The following CYB5R2 variants were observed in gnomAD, a reference collection of about 807,000 sequenced individuals.
CYB5R2 encodes NADH-cytochrome b5 reductase 2.
In CYB5R2, 35 loss-of-function variants were observed where a neutral mutation model predicts 29.8. The ratio of observed to expected loss-of-function variants is 1.17; its 90% CI spans 0.90 to 1.56. CYB5R2 has a LOEUF of 1.56. Among genes scored for constraint, CYB5R2 ranks in the 40% most tolerant of loss-of-function variants. The probability of loss-of-function intolerance (pLI) is 0.00; values close to 1 mark genes in which losing one functional copy is unlikely to be tolerated. For synonymous variants in CYB5R2, 169 were observed against 130.6 expected, an observed-to-expected ratio of 1.29 and a Z score of -2.01; for missense variants, 419 against 346.7, an observed-to-expected ratio of 1.21 and a Z score of -1.66.
At chr11:7,667,643 G>T in intron 7 of CYB5R2, 85 bp downstream of exon 7, 2 of 1,256,114 alleles carry the variant, frequency 1.6e-6, no homozygotes, top group Non-Finnish European at 2.3e-6. Flanking sequence ...AGCAGCATGA[G>T]CTCAGTCAAT....
chr11:7,672,945 G>A (rs1855851525), intron 1 of CYB5R2, 54 bp from the exon 2 acceptor site: 3 of 1,547,076 alleles, frequency 1.9e-6, no homozygotes, highest in African/African-American at 1.4e-5. Context: ...CCTGGACAGG[G>A]CAGCTCTCAG....
chr11:7,666,367 C>T (rs1203683852), intron 8 of CYB5R2, 84 bp downstream of exon 8: 9 of 900,350 alleles, frequency 1.0e-5, no homozygotes, highest in Non-Finnish European at 1.6e-5. Context: ...AAAACTAAAA[C>T]AAAACAAAGA....
chr11:7,665,835 G>A (rs1366537214), intron 8 of CYB5R2: 1 of 1,534,962 alleles, frequency 6.5e-7, no homozygotes, highest in Non-Finnish European at 8.7e-7. Context: ...ACCGAGGTGT[G>A]TGAATCAGTA....
chr11:7,673,530 C>T (rs1855889504), upstream of CYB5R2: 1 of 985,326 alleles, frequency 1.0e-6, no homozygotes, highest in African/African-American at 1.7e-5. Context: ...CGGCCCGCCC[C>T]ACTCCCCGCC....
chr11:7,674,040 G>T, upstream of CYB5R2: 2 of 1,184,484 alleles, frequency 1.7e-6, no homozygotes, highest in Non-Finnish European at 2.1e-6. Flanking sequence ...CCTCGCTCCT[G>T]CGCTGCCCCT....
intron 5 of CYB5R2, chr11:7,668,827 A>G (rs941074482): frequency 1.0e-5 from 6 of 584,588 alleles, no homozygotes; most frequent in African/African-American, 9.3e-5. Flanking sequence ...AAGTTAACAC[A>G]GAGACTCAAA....
intron 1 of CYB5R2, 116 bp from the exon 2 acceptor site, chr11:7,673,007 A>G: frequency 1.0e-6 from 1 of 1,003,950 alleles, no homozygotes; most frequent in Admixed American, 2.2e-5. Context: ...CTCTGCCTGC[A>G]GGAAATAGGC....
chr11:7,669,732 C>G lies in CYB5R2; in HGVS notation c.152-1G>C. 6.2e-7 allele frequency: 1 copy of G among 1,611,640 alleles called. No homozygotes were observed. Among genetic ancestry groups the G allele is most frequent in the Non-Finnish European group, 8.5e-7 (1 of 1,177,720 alleles). ...TTTGCCAAGAGCTGGACATAGTTAC[C>G]TATAGAAAAGGCATCAAGCACTGAG... is the stretch of plus-strand genomic sequence containing the variant. On this transcript the variant is annotated splice_acceptor_variant, in intron 3 of 8. Transcript: ENST00000299498. LOFTEE classifies it high-confidence loss of function.
intron 8 of CYB5R2, chr11:7,665,793 C>G (rs960730555): frequency 6.7e-6 from 10 of 1,488,352 alleles, no homozygotes; most frequent in Non-Finnish European, 8.1e-6. Context: ...CAGCTGTCAG[C>G]ATTGACGAGG....
rs532109674 is a variant in CYB5R2, at chr11:7,672,367, C to T, written c.151+84G>A. On this transcript the variant is annotated intron_variant, in intron 3 of 8. Coordinates refer to ENST00000299498, the MANE Select transcript of CYB5R2 (RefSeq NM_016229.5). ...AGAGGGCATCTTCCACACCTCAGGA[C>T]GTGGGAAACCTGTGTTTCTGTTAAG... The T allele has an allele frequency of 4.5e-5, 54 of 1,209,494 alleles. 1 individual carries two copies. In the Middle Eastern group the frequency reaches 7.4e-4, roughly 17 times the overall value. 74.9% of individuals were successfully genotyped at this position (1,209,494 alleles called of 1,614,324 possible). A position where few individuals can be genotyped will look rare whatever the true frequency, so the allele number is the denominator to read the frequency against.
Position 7,669,646 on chromosome 11 carries a change from GC to G in CYB5R2, c.236del (p.Gly79AlafsTer5). 6.2e-7 allele frequency: 1 copy of G among 1,606,248 alleles called. No individual in the cohort carries two copies. The highest frequency in any genetic ancestry group is 1.1e-5 in the South Asian group (1 of 89,774). On this transcript the variant is annotated frameshift_variant, in exon 4 of 9. Coordinates refer to ENST00000299498, the MANE Select transcript of CYB5R2 (RefSeq NM_016229.5). LOFTEE classifies it high-confidence loss of function. ...YTPVSSDDDR[G>X]FVDLIIKIYF... is the part of the protein sequence containing the mutation. ...TTACCTTTATAATTAGGTCCACAAA[GC>G]CTCTGTCATCATCACTGGAGACAGG... is the stretch of plus-strand genomic sequence containing the variant.
chr11:7,666,301 TCACATTTCC>T, intron 8 of CYB5R2, 141 bp downstream of exon 8: 1 of 618,032 alleles, frequency 1.6e-6, no homozygotes, highest in Admixed American at 2.9e-5. Flanking sequence ...CCTCAATTTC[TCACATTTCC>T]CATCTGGAGC....
chr11:7,665,221 T>A lies in CYB5R2; in HGVS notation c.*153A>T, dbSNP rs905409854. 4 of 622,664 alleles carry A rather than the reference T, an allele frequency of 6.4e-6. No individual in the cohort carries two copies. The highest frequency in any genetic ancestry group is 3.8e-5 in the African/African-American group (2 of 53,094). The allele number at this position is 622,664 out of a possible 1,614,324, so 38.6% of individuals were successfully genotyped here. A position where few individuals can be genotyped will look rare whatever the true frequency, so the allele number is the denominator to read the frequency against. The stretch of plus-strand genomic sequence containing the variant: ...AGTCTCCAGCCCCTTGAGCCCTTTT[T>A]GTTAGGCCCACACCCAAAAGAGGAG... On this transcript the variant is annotated 3_prime_UTR_variant, in exon 9 of 9. Coordinates refer to ENST00000299498, the MANE Select transcript of CYB5R2 (RefSeq NM_016229.5).
At chr11:7,666,034 A>G in intron 8 of CYB5R2, 1 of 873,498 alleles carries the variant, frequency 1.1e-6, no homozygotes, top group Non-Finnish European at 1.8e-6. Flanking sequence ...TCTGGGCTGC[A>G]GCAGCTGTCT....
chr11:7,665,726 C>A, intron 8 of CYB5R2, 180 bp from the exon 9 acceptor site: 1 of 1,186,360 alleles, frequency 8.4e-7, no homozygotes, highest in Non-Finnish European at 1.2e-6. Context: ...CCCTCTGCAG[C>A]AATCACCCCA....
chr11:7,665,524 G>C lies in CYB5R2; in HGVS notation c.681C>G (p.Phe227Leu), dbSNP rs764419300. The stretch of plus-strand genomic sequence containing the variant: ...GCTCCTTGATCATGTCGGCAGTAAC[G>C]AAGCCTGAGCTGTACTTCCAGCCTG... ...PPIGWKYSSGFVTADMIKEHL... is the reference protein window; with the variant it reads ...PPIGWKYSSGLVTADMIKEHL... Residue 227 changes from phenylalanine (F) to leucine (L), a missense_variant, in exon 9 of 9, where the codon TTC (phenylalanine) becomes TTG (leucine). Physicochemically the swap from Phe to Leu is conservative, Grantham distance 22. Transcript: ENST00000299498. The C allele has an allele frequency of 3.1e-6, 5 of 1,610,936 alleles. No individual in the cohort carries two copies. In the African/African-American group the frequency reaches 6.7e-5, roughly 22 times the overall value.
upstream of CYB5R2, chr11:7,673,558 C>T (rs1035935391): frequency 7.1e-6 from 7 of 985,310 alleles, no homozygotes; most frequent in South Asian, 4.7e-5. Context: ...GTCCCGCCCA[C>T]GACCTCTCCC....
Position 7,669,673 on chromosome 11 carries a change from GGT to G in CYB5R2, c.208_209del (p.Thr70ProfsTer5), listed in dbSNP as rs1855604904. 6.2e-7 allele frequency: 1 copy of G among 1,613,414 alleles called. No individual in the cohort carries two copies. The highest frequency in any genetic ancestry group is 8.5e-7 in the Non-Finnish European group (1 of 1,179,642). The stretch of plus-strand genomic sequence containing the variant: ...CTCTGTCATCATCACTGGAGACAGG[GGT>G]GTAAGCCCTGACCACCAATTCATTA... ...IDNELVVRAY[T>X]PVSSDDDRGF... On this transcript the variant is annotated frameshift_variant, in exon 4 of 9. Transcript: ENST00000299498. LOFTEE classifies it high-confidence loss of function.
At chr11:7,672,277 G>C in intron 3 of CYB5R2, 174 bp downstream of exon 3, 1 of 580,826 alleles carries the variant, frequency 1.7e-6, no homozygotes, top group Non-Finnish European at 3.1e-6. Flanking sequence ...ATGAAGAAAA[G>C]AAATTTTCTG....
Sources: allele counts gnomAD v4.1 joint callset, GRCh38; gene constraint gnomAD v4.1.1; transcripts MANE v1.5; gene names NCBI Gene and HGNC (gene_info 2026-07-23, HGNC 2026-07-21).